The following HYDIN variants were observed in gnomAD, a reference collection of about 807,000 sequenced individuals.
HYDIN encodes axonemal central pair apparatus protein HYDIN.
HYDIN carries 132 observed loss-of-function variants against 403.9 expected under a neutral mutation model. The ratio of observed to expected loss-of-function variants is 0.33; its 90% CI spans 0.28 to 0.38. The LOEUF is 0.38. HYDIN is among the 10% of genes least tolerant of loss of function. HYDIN has a pLI of 1.00. For synonymous variants in HYDIN, 1,202 were observed against 1,891.7 expected (o/e 0.64, Z 9.46); for missense variants, 2,827 against 5,009.5 (o/e 0.56, Z 13.15).
chr16:71,108,920 G>GA (rs1206234242), intron 10 of HYDIN, among the ~76,000 whole-genome samples: 1 of 146,740 alleles, frequency 6.8e-6, no homozygotes. Flanking sequence ...ATGACTGGTT[G>GA]AGACTTTCTC....
chr16:70,943,213 A>G, intron 42 of HYDIN, among the ~76,000 whole-genome samples: 1 of 152,134 alleles, frequency 6.6e-6, no homozygotes, highest in African/African-American at 2.4e-5. Context: ...TAACTGTAGA[A>G]TTCTTATGGA....
chr16:71,131,972 T>C (rs1191777381), intron 8 of HYDIN: 1 of 151,960 alleles, frequency 6.6e-6, no homozygotes, highest in African/African-American at 2.4e-5. Context: ...AACAAAGTGG[T>C]AAAATGTAAC....
rs1567628382 is a variant in HYDIN, at chr16:70,804,986, A to G, written c.*2594T>C. ...GACAAGATTTCAGACAGCTTCTTCC[A>G]CCTTTTCTTTAGTCTTAGGGATCAC... On this transcript the variant is annotated 3_prime_UTR_variant, in exon 86 of 86. Coordinates refer to ENST00000393567, the MANE Select transcript of HYDIN (RefSeq NM_001270974.2). Among the ~76,000 whole-genome samples the G allele has an allele frequency of 6.6e-6, 1 of 152,200 alleles. No individual in the cohort carries two copies. The highest frequency in any genetic ancestry group is 2.4e-5 in the African/African-American group (1 of 41,450).
intron 13 of HYDIN, among the ~76,000 whole-genome samples, chr16:71,073,572 G>A (rs2082535550): frequency 6.6e-6 from 1 of 152,118 alleles, no homozygotes; most frequent in Non-Finnish European, 1.5e-5. Context: ...ATCCCAGACA[G>A]GTTATCATAT....
At chr16:71,047,876 A>T (rs1255939961) in intron 18 of HYDIN, among the ~76,000 whole-genome samples, 1 of 152,130 alleles carries the variant, frequency 6.6e-6, no homozygotes, top group African/African-American at 2.4e-5. Flanking sequence ...GCTATTTGAA[A>T]ATATACAATA....
At chr16:71,099,981 G>A (rs2083406122) in intron 10 of HYDIN, among the ~76,000 whole-genome samples, 1 of 152,066 alleles carries the variant, frequency 6.6e-6, no homozygotes, top group Admixed American at 6.6e-5. Flanking sequence ...TCCAGCCTGG[G>A]CAACAGAGCA....
At chr16:70,894,274 G>A in intron 55 of HYDIN, 175 bp downstream of exon 55, 1 of 595,728 alleles carries the variant, frequency 1.7e-6, no homozygotes. Flanking sequence ...AGCAGAGACG[G>A]TTCTTATGAT....
intron 84 of HYDIN, among the ~76,000 whole-genome samples, chr16:70,811,650 G>C (rs1198155251): frequency 6.6e-6 from 1 of 150,762 alleles, no homozygotes. Flanking sequence ...CTGAGATTGG[G>C]AGTTTGAGAC....
In HYDIN at chr16:70,818,440, A is replaced by G. The variant is rs767121109; in HGVS notation, c.14560T>C (p.Leu4854=). ...ACCGAGTAGGGCAGAGGGTTCTCCAACTTGATGGAGGCTGACGCAACTTGC... is the reference window on the plus strand; with the variant it reads ...ACCGAGTAGGGCAGAGGGTTCTCCAGCTTGATGGAGGCTGACGCAACTTGC... The part of the protein sequence containing the change: ...VRQVASASIK[L]ENPLPYSVTF... The change falls in exon 84 of 86, where the codon TTG becomes CTG. Residue 4854 remains leucine, a synonymous_variant. Coordinates refer to ENST00000393567, the MANE Select transcript of HYDIN (RefSeq NM_001270974.2). 3.1e-6 allele frequency: 5 copies of G among 1,610,516 alleles called. No individual in the cohort carries two copies. Among genetic ancestry groups the G allele is most frequent in the Middle Eastern group, 1.7e-4 (1 of 6,046 alleles).
intron 1 of HYDIN, among the ~76,000 whole-genome samples, chr16:71,226,192 G>A (rs974121002): frequency 3.9e-5 from 6 of 152,192 alleles, no homozygotes; most frequent in African/African-American, 1.4e-4. Flanking sequence ...TCGATTTTAT[G>A]CTGTTAAAAT....
Position 70,832,723 on chromosome 16 carries a change from G to A in HYDIN, c.13899+125C>T, listed in dbSNP as rs565680140. On this transcript the variant is annotated intron_variant, in intron 80 of 85. Transcript: ENST00000393567. Reference sequence around the variant, plus strand: ...GGGGAGAATGAATATTCCAGCAGTGGAAACGGTGTATTCACAGGCCTCGTG... The same window carrying A: ...GGGGAGAATGAATATTCCAGCAGTGAAAACGGTGTATTCACAGGCCTCGTG... The A allele has an allele frequency of 6.1e-4, 395 of 652,532 alleles. 6 individuals are homozygous for A. In the East Asian group the frequency reaches 0.011, roughly 17 times the overall value. The allele number at this position is 652,532 out of a possible 1,614,324, so 40.4% of individuals were successfully genotyped here. A position where few individuals can be genotyped will look rare whatever the true frequency, so the allele number is the denominator to read the frequency against.
intron 21 of HYDIN, among the ~76,000 whole-genome samples, chr16:71,024,800 G>C (rs2080632594): frequency 6.7e-6 from 1 of 148,922 alleles, no homozygotes; most frequent in African/African-American, 2.5e-5. Flanking sequence ...CCCTTACGTA[G>C]AGCCATTTAA....
chr16:70,951,277 A>AGG (rs757002337), intron 41 of HYDIN, among the ~76,000 whole-genome samples: 1 of 144,680 alleles, frequency 6.9e-6, no homozygotes, highest in Non-Finnish European at 1.5e-5. Flanking sequence ...AGAGAGAGAG[A>AGG]GAGGGAGAGA....
rs756408083 is a variant in HYDIN, at chr16:70,809,894, C to T, written c.14772G>A (p.Thr4924=). 24 of 1,614,058 alleles carry T rather than the reference C, an allele frequency of 1.5e-5. No individual in the cohort carries two copies. The highest frequency in any genetic ancestry group is 5.0e-5 in the Admixed American group (3 of 60,002). ...YYQYELYLKA[T]PALPEKPVHF... ...GAACAGGCTTTTCCGGAAGTGCTGGCGTGGCTTTCAGATAGAGCTCATATT... is the reference window on the plus strand; with the variant it reads ...GAACAGGCTTTTCCGGAAGTGCTGGTGTGGCTTTCAGATAGAGCTCATATT... Residue 4924 remains threonine (T), a synonymous_variant, in exon 85 of 86, where the codon ACG becomes ACA. Coordinates refer to ENST00000393567, the MANE Select transcript of HYDIN (RefSeq NM_001270974.2).
intron 60 of HYDIN, among the ~76,000 whole-genome samples, chr16:70,880,778 G>A (rs2040748765): frequency 6.6e-6 from 1 of 152,182 alleles, no homozygotes; most frequent in African/African-American, 2.4e-5. Context: ...TGGGAAGTAG[G>A]TGGGATTCAA....
At chr16:70,962,187 G>A (rs755680191) in intron 37 of HYDIN, 49 bp from the exon 38 acceptor site, 5 of 728,966 alleles carry the variant, frequency 6.9e-6, no homozygotes, top group Non-Finnish European at 1.1e-5. Context: ...TTGGGAGGGG[G>A]ACAAGGGAGA....
chr16:71,141,801 C>A (rs1281415069), intron 7 of HYDIN, among the ~76,000 whole-genome samples: 3 of 152,166 alleles, frequency 2.0e-5, no homozygotes, highest in Non-Finnish European at 4.4e-5. Flanking sequence ...CCAGCAATTG[C>A]ACTTGTAGGT....
intron 10 of HYDIN, 74 bp from the exon 11 acceptor site, chr16:71,094,009 T>G: frequency 8.0e-7 from 1 of 1,242,732 alleles, no homozygotes; most frequent in African/African-American, 1.5e-5. Context: ...TCATGTACGT[T>G]ACCAATATAA....
chr16:71,153,841 G>C (rs2085642689), intron 6 of HYDIN, among the ~76,000 whole-genome samples: 1 of 151,960 alleles, frequency 6.6e-6, no homozygotes, highest in Non-Finnish European at 1.5e-5. Flanking sequence ...TTTTGGAAGA[G>C]AATAGTAAGA....
Sources: allele counts gnomAD v4.1 joint callset (sites outside exome capture counted in the v4.1 genomes callset), GRCh38; gene constraint gnomAD v4.1.1; transcripts MANE v1.5; gene names NCBI Gene and HGNC (gene_info 2026-07-23, HGNC 2026-07-21).